NKAIN2: variants seen among roughly 807,000 people sequenced by gnomAD.
NKAIN2 encodes sodium/potassium-transporting ATPase subunit beta-1-interacting protein 2.
Under a neutral mutation model 32.6 loss-of-function variants are expected in NKAIN2, and 14 were observed. The observed-to-expected ratio is 0.43, with a 90% confidence interval of 0.28 to 0.67. NKAIN2 has a LOEUF of 0.67. Ranked by LOEUF, NKAIN2 falls within the 30% of genes least tolerant of loss-of-function variation. The probability of loss-of-function intolerance (pLI) is 0.17; values close to 1 mark genes in which losing one functional copy is unlikely to be tolerated. For synonymous variants in NKAIN2, 80 were observed against 87.2 expected (o/e 0.92, Z 0.46); for missense variants, 198 against 258.3 (o/e 0.77, Z 1.60).
At chr6:124,267,474 A>C (rs150090184) in intron 1 of NKAIN2, among the ~76,000 whole-genome samples, 7 of 132,234 alleles carry the variant, frequency 5.3e-5, no homozygotes, top group South Asian at 2.3e-4. Flanking sequence ...TGGCAAAACC[A>C]TGTCTCTAAA....
chr6:124,425,678 C>T (rs950199947), intron 3 of NKAIN2, among the ~76,000 whole-genome samples: 3 of 151,920 alleles, frequency 2.0e-5, no homozygotes, highest in African/African-American at 7.3e-5. Flanking sequence ...ACGTACCTAC[C>T]AATGGTCAAT....
intron 3 of NKAIN2, among the ~76,000 whole-genome samples, chr6:124,524,717 T>G (rs1448522680): frequency 1.3e-5 from 2 of 152,200 alleles, no homozygotes; most frequent in Non-Finnish European, 2.9e-5. Flanking sequence ...TGTTTCAATT[T>G]TTTGAATTTG....
At chr6:124,092,469 A>G (rs1435693387) in intron 1 of NKAIN2, among the ~76,000 whole-genome samples, 6 of 152,076 alleles carry the variant, frequency 3.9e-5, no homozygotes. Context: ...GATTTTTAAA[A>G]GGATGTAAAG....
chr6:124,513,813 A>G (rs546737387), intron 3 of NKAIN2, among the ~76,000 whole-genome samples: 13 of 152,280 alleles, frequency 8.5e-5, no homozygotes, highest in African/African-American at 3.1e-4. Flanking sequence ...AAGCAGTGCT[A>G]ATTCTATATC....
chr6:124,723,928 G>A (rs1776149816), intron 4 of NKAIN2, among the ~76,000 whole-genome samples: 1 of 152,106 alleles, frequency 6.6e-6, no homozygotes, highest in Admixed American at 6.5e-5. Flanking sequence ...TTATGCTTCT[G>A]AAACCCTGTC....
intron 5 of NKAIN2, among the ~76,000 whole-genome samples, chr6:124,807,930 C>A (rs1404527823): frequency 6.7e-6 from 1 of 149,498 alleles, no homozygotes; most frequent in African/African-American, 2.4e-5. Flanking sequence ...CAAGACTAAA[C>A]CAGGAAGAAG....
At chr6:124,562,868 A>G (rs1583444120) in intron 3 of NKAIN2, among the ~76,000 whole-genome samples, 1 of 151,724 alleles carries the variant, frequency 6.6e-6, no homozygotes, top group East Asian at 1.9e-4. Context: ...AGGAGAAAAC[A>G]GGAAAAGGAA....
chr6:124,028,821 G>GTA (rs1213879248), intron 1 of NKAIN2, among the ~76,000 whole-genome samples: 30 of 136,486 alleles, frequency 2.2e-4, no homozygotes, highest in African/African-American at 8.6e-4. Context: ...ACGTATATGT[G>GTA]TATATATATA....
At chr6:124,520,679 G>A (rs868236917) in intron 3 of NKAIN2, among the ~76,000 whole-genome samples, 1 of 152,092 alleles carries the variant, frequency 6.6e-6, no homozygotes, top group East Asian at 1.9e-4. Context: ...CACTAGTTTT[G>A]TGGGCTTGCT....
intron 3 of NKAIN2, among the ~76,000 whole-genome samples, chr6:124,528,575 A>G (rs1779404938): frequency 6.6e-6 from 1 of 152,196 alleles, no homozygotes; most frequent in Admixed American, 6.5e-5. Flanking sequence ...ACATATAGAG[A>G]AATATGATCA....
intron 1 of NKAIN2, among the ~76,000 whole-genome samples, chr6:124,111,513 C>G (rs1280683466): frequency 6.6e-6 from 1 of 151,890 alleles, no homozygotes; most frequent in Non-Finnish European, 1.5e-5. Flanking sequence ...CTGATGTACC[C>G]CTACTCTCTT....
chr6:124,434,758 C>G (rs1017451451), intron 3 of NKAIN2, among the ~76,000 whole-genome samples: 4 of 152,172 alleles, frequency 2.6e-5, no homozygotes, highest in Non-Finnish European at 5.9e-5. Context: ...ACCAGTCTTT[C>G]TGGCACTGTG....
At chr6:124,719,391 T>C (rs745377542) in intron 4 of NKAIN2, among the ~76,000 whole-genome samples, 10 of 152,208 alleles carry the variant, frequency 6.6e-5, no homozygotes, top group Non-Finnish European at 1.3e-4. Flanking sequence ...TATATGACTA[T>C]ATAGGACTCT....
chr6:124,657,142 G>A (rs146088668), intron 3 of NKAIN2, among the ~76,000 whole-genome samples: 9 of 152,224 alleles, frequency 5.9e-5, no homozygotes, highest in Admixed American at 1.3e-4. Flanking sequence ...GTGGCTCCAC[G>A]TCACAAACGA....
chr6:124,499,739 C>A (rs1157171313), intron 3 of NKAIN2, among the ~76,000 whole-genome samples: 1 of 152,156 alleles, frequency 6.6e-6, no homozygotes, highest in Non-Finnish European at 1.5e-5. Context: ...ATTTATATGG[C>A]ATCACTTATA....
rs557819550 is a variant in NKAIN2 at position 124,194,469 on chromosome 6, T to A, written c.55-88536T>A. On this transcript the variant is annotated intron_variant, in intron 1 of 6. Coordinates refer to ENST00000368417, the MANE Select transcript of NKAIN2 (RefSeq NM_001040214.3). Reference sequence around the variant, plus strand: ...CTCTGGCAATATTTTTTAATTGGAATGTTGATACATTTATATTTAATTAAT... The same window carrying A: ...CTCTGGCAATATTTTTTAATTGGAAAGTTGATACATTTATATTTAATTAAT... 2.2e-4 allele frequency among the ~76,000 whole-genome samples: 33 copies of A among 152,302 alleles called. No homozygotes were observed. In the East Asian group the frequency reaches 6.2e-3, roughly 28 times the overall value.
intron 1 of NKAIN2, among the ~76,000 whole-genome samples, chr6:123,901,735 G>T (rs374059773): frequency 6.6e-6 from 1 of 152,066 alleles, no homozygotes; most frequent in East Asian, 1.9e-4. Context: ...TTTGAGTGGG[G>T]ACTTCTGTTC....
At chr6:124,156,006 C>T (rs1225565679) in intron 1 of NKAIN2, among the ~76,000 whole-genome samples, 6 of 151,280 alleles carry the variant, frequency 4.0e-5, no homozygotes, top group Non-Finnish European at 7.4e-5. Flanking sequence ...TATACCTCCA[C>T]CTTACATCAA....
intron 1 of NKAIN2, among the ~76,000 whole-genome samples, chr6:123,894,803 T>A (rs1465325679): frequency 6.6e-6 from 1 of 151,958 alleles, no homozygotes; most frequent in African/African-American, 2.4e-5. Context: ...GAACTCAACC[T>A]CTAAGGGCAA....
Sources: gnomAD v4.1 joint callset for allele counts (sites outside exome capture counted in the v4.1 genomes callset) on GRCh38, gnomAD v4.1.1 for gene constraint, MANE v1.5 for transcripts, NCBI Gene and HGNC (gene_info 2026-07-23, HGNC 2026-07-21) for gene names.